Variants in NFATC2 observed in about 807,000 individuals in gnomAD.
NFATC2 encodes nuclear factor of activated T cells 2.
Under a neutral mutation model 87.3 loss-of-function variants are expected in NFATC2, and 22 were observed. The observed-to-expected ratio is 0.25, with a 90% CI of 0.18 to 0.36. The LOEUF is 0.36. Ranked by LOEUF, NFATC2 falls within the 10% of genes least tolerant of loss-of-function variation. NFATC2 has a pLI of 1.00. For missense variants in NFATC2, 1,149 were observed against 1,259.1 expected (o/e 0.91, Z 1.32); for synonymous variants, 565 against 542.2 (o/e 1.04, Z -0.58).
rs776604127 is a variant in NFATC2, at chr20:51,524,563, C to T, written c.131-453G>A. ...TTAGACGGATCCCCTAACCCGTCTGCGCGGTAGGTCATGACCCCTAGTTTG... is the reference window on the plus strand; with the variant it reads ...TTAGACGGATCCCCTAACCCGTCTGTGCGGTAGGTCATGACCCCTAGTTTG... On this transcript the variant is annotated intron_variant, in intron 1 of 10. Transcript: ENST00000371564. The surrounding 1 kb of genome is among the most constrained non-coding windows in gnomAD (Gnocchi z 4.0). Among the ~76,000 whole-genome samples the T allele has an allele frequency of 4.6e-5, 7 of 152,202 alleles. No homozygotes were observed. The highest frequency in any genetic ancestry group is 2.1e-4 in the South Asian group (1 of 4,812).
At chr20:51,506,058 G>A (rs8121009) in intron 3 of NFATC2, among the ~76,000 whole-genome samples, 3,750 of 152,268 alleles carry the variant, frequency 0.025, 143 homozygotes, top group African/African-American at 0.084. Context: ...GCAGGCATTC[G>A]TCTCAGCCTC....
chr20:51,401,363 T>C (rs1988026215), intron 9 of NFATC2, among the ~76,000 whole-genome samples: 1 of 151,790 alleles, frequency 6.6e-6, no homozygotes, highest in South Asian at 2.1e-4. Flanking sequence ...TGAGATGCTA[T>C]AGCTGGCTCA....
chr20:51,421,570 G>A (rs1465941656), intron 9 of NFATC2, among the ~76,000 whole-genome samples: 1 of 152,236 alleles, frequency 6.6e-6, no homozygotes, highest in East Asian at 1.9e-4. Context: ...GGGGGCTGTG[G>A]ACAGAGCAAG....
intron 5 of NFATC2, among the ~76,000 whole-genome samples, chr20:51,463,637 C>T (rs1987376351): frequency 6.6e-6 from 1 of 152,224 alleles, no homozygotes; most frequent in African/African-American, 2.4e-5. Context: ...ATGGCTTTAA[C>T]CCCAGCTCTG....
At chr20:51,417,904 G>A (rs988902860) in intron 9 of NFATC2, among the ~76,000 whole-genome samples, 4 of 152,236 alleles carry the variant, frequency 2.6e-5, no homozygotes, top group Non-Finnish European at 5.9e-5. Flanking sequence ...AATGCTAAAG[G>A]AGGCGGCATC....
chr20:51,517,142 C>G (rs2076364607), intron 2 of NFATC2, among the ~76,000 whole-genome samples, 187 bp from the exon 3 acceptor site: 1 of 152,168 alleles, frequency 6.6e-6, no homozygotes, highest in South Asian at 2.1e-4. Context: ...CAAGATGGCA[C>G]AGCCTACTAC....
Position 51,398,664 on chromosome 20 carries a change from T to C in NFATC2, c.*23A>G, listed in dbSNP as rs1300070396. 2.5e-6 allele frequency: 4 copies of C among 1,610,690 alleles called. No homozygotes were observed. The highest frequency in any genetic ancestry group is 3.4e-6 in the Non-Finnish European group (4 of 1,178,020). ...TTACCTTTAACTTTGATTTCTCGGA[T>C]CAAAGATCACAGTCATTCTGTTTCA... On this transcript the variant is annotated 3_prime_UTR_variant, in exon 10 of 11. Coordinates refer to ENST00000371564, the MANE Select transcript of NFATC2 (RefSeq NM_012340.5).
At chr20:51,392,288 A>G (rs531851316) in intron 10 of NFATC2, among the ~76,000 whole-genome samples, 1 of 152,202 alleles carries the variant, frequency 6.6e-6, no homozygotes, top group Non-Finnish European at 1.5e-5. Context: ...CAGTTGAAGG[A>G]TCATGTGCCA....
intron 1 of NFATC2, among the ~76,000 whole-genome samples, chr20:51,530,864 G>A (rs1220665016): frequency 1.3e-5 from 2 of 152,126 alleles, no homozygotes; most frequent in Non-Finnish European, 2.9e-5. Flanking sequence ...AGGTCCCACA[G>A]AGTCCCACAT....
At chr20:51,551,993 C>T (rs1280877947) in intron 1 of NFATC2, among the ~76,000 whole-genome samples, 1 of 150,756 alleles carries the variant, frequency 6.6e-6, no homozygotes, top group East Asian at 2.0e-4. Context: ...CGCCACTGCA[C>T]TCCAGCCTGG....
intron 3 of NFATC2, among the ~76,000 whole-genome samples, chr20:51,511,871 T>C (rs1340221489): frequency 6.6e-6 from 1 of 152,228 alleles, no homozygotes. Context: ...ACGTATCATG[T>C]CTTCCCCTTG....
At chr20:51,518,843 C>T (rs1191968283) in intron 2 of NFATC2, among the ~76,000 whole-genome samples, 2 of 151,984 alleles carry the variant, frequency 1.3e-5, no homozygotes, top group Non-Finnish European at 2.9e-5. Context: ...TGCTGTTATC[C>T]AGTCTGGAGT....
At chr20:51,475,322 G>T (rs186090712) in intron 4 of NFATC2, 136 bp downstream of exon 4, 1 of 826,200 alleles carries the variant, frequency 1.2e-6, no homozygotes, top group Non-Finnish European at 2.0e-6. Context: ...ACAACGGGTC[G>T]ATGGATCACA....
At chr20:51,460,758 C>T (rs1987067844) in intron 5 of NFATC2, among the ~76,000 whole-genome samples, 2 of 152,060 alleles carry the variant, frequency 1.3e-5, no homozygotes, top group African/African-American at 4.8e-5. Flanking sequence ...TAGGCATGAG[C>T]CACTACGCCT....
In NFATC2 at chr20:51,524,160, C is replaced by T. The variant is rs992299149; in HGVS notation, c.131-50G>A. On this transcript the variant is annotated intron_variant, in intron 1 of 10. Coordinates refer to ENST00000371564, the MANE Select transcript of NFATC2 (RefSeq NM_012340.5). This position sits in a 1 kb window ranked among gnomAD's most constrained non-coding sequence, Gnocchi z 4.0. ...TTCTTTTTAAGCCTCAAAAACAGAACTCCCGGTGCAGAGCAATCACAGGCT... is the reference window on the plus strand; with the variant it reads ...TTCTTTTTAAGCCTCAAAAACAGAATTCCCGGTGCAGAGCAATCACAGGCT... 10 of 1,406,270 alleles carry T rather than the reference C, an allele frequency of 7.1e-6. No homozygotes were observed. In the South Asian group the frequency reaches 1.6e-4, roughly 23 times the overall value. The allele number at this position is 1,406,270 out of a possible 1,614,324, so 87.1% of individuals were successfully genotyped here.
At chr20:51,394,557 G>A (rs1232497085) in intron 10 of NFATC2, among the ~76,000 whole-genome samples, 1 of 139,784 alleles carries the variant, frequency 7.2e-6, no homozygotes, top group East Asian at 1.9e-4. Context: ...TCGCACTCCT[G>A]TCTCCTCACT....
At chr20:51,408,487 C>T (rs556908209) in intron 9 of NFATC2, among the ~76,000 whole-genome samples, 1 of 135,768 alleles carries the variant, frequency 7.4e-6, no homozygotes, top group Admixed American at 8.0e-5. Context: ...GCACTCCAGC[C>T]TGGGGGACTG....
intron 9 of NFATC2, among the ~76,000 whole-genome samples, chr20:51,405,473 T>C: frequency 6.6e-6 from 1 of 152,290 alleles, no homozygotes; most frequent in African/African-American, 2.4e-5. Context: ...TGTTTGCATG[T>C]GCCATGTTCG....
At chr20:51,529,406 AG>A (rs1271230974) in intron 1 of NFATC2, among the ~76,000 whole-genome samples, 2 of 152,094 alleles carry the variant, frequency 1.3e-5, no homozygotes, top group African/African-American at 4.8e-5. Context: ...ACCAGCAAGC[AG>A]GGAATATGAA....
Sources: gnomAD v4.1 joint callset for allele counts (sites outside exome capture counted in the v4.1 genomes callset) on GRCh38, gnomAD v4.1.1 for gene constraint, Gnocchi (gnomAD v3.1) non-coding constraint, MANE v1.5 for transcripts, NCBI Gene and HGNC (gene_info 2026-07-23, HGNC 2026-07-21) for gene names.